The following PTPRN2 variants were observed in gnomAD, a reference collection of about 807,000 sequenced individuals.
The protein encoded by PTPRN2 is receptor-type tyrosine-protein phosphatase N2.
PTPRN2 carries 74 observed loss-of-function variants against 118.8 expected under a neutral mutation model. The observed-to-expected ratio is 0.62, with a 90% CI of 0.52 to 0.76. The LOEUF (loss-of-function observed/expected upper bound fraction) is 0.76. Among genes scored for constraint, PTPRN2 ranks in the 30% least tolerant of loss-of-function variants. PTPRN2 has a pLI of 0.00. For synonymous variants in PTPRN2, 641 were observed against 608.0 expected (o/e 1.05, Z -0.80); for missense variants, 1,481 against 1,394.4 (o/e 1.06, Z -0.99).
chr7:158,256,247 A>C (rs1440484234), intron 3 of PTPRN2, among the ~76,000 whole-genome samples: 5 of 152,038 alleles, frequency 3.3e-5, no homozygotes, highest in African/African-American at 1.2e-4. Context: ...TCCCCCACAC[A>C]ATGGACTGAC....
chr7:158,523,400 A>ATCTGCCCTGGAGCGGAGTCG (rs1824380669), intron 1 of PTPRN2, among the ~76,000 whole-genome samples: 1 of 57,388 alleles, frequency 1.7e-5, no homozygotes, highest in Non-Finnish European at 4.0e-5. Flanking sequence ...GAGCGGAGTC[A>ATCTGCCCTGGAGCGGAGTCG]TCTGCCCTGG....
intron 12 of PTPRN2, among the ~76,000 whole-genome samples, chr7:157,896,748 G>A (rs1175226327): frequency 2.0e-5 from 3 of 152,194 alleles, no homozygotes; most frequent in East Asian, 3.9e-4. Context: ...GCAACCTGTG[G>A]CAAGGCACAT....
chr7:158,120,839 A>T (rs1046140331), intron 9 of PTPRN2, among the ~76,000 whole-genome samples: 1 of 152,176 alleles, frequency 6.6e-6, no homozygotes, highest in South Asian at 2.1e-4. Flanking sequence ...GGGAGGCAAC[A>T]GGGAAGGGAG....
chr7:158,374,762 G>A (rs966201325), intron 2 of PTPRN2, among the ~76,000 whole-genome samples: 2 of 152,168 alleles, frequency 1.3e-5, no homozygotes, highest in Non-Finnish European at 2.9e-5. Context: ...CAAGCATATC[G>A]TGCAAAGGAA....
At chr7:158,431,621 C>A (rs1444010450) in intron 2 of PTPRN2, among the ~76,000 whole-genome samples, 2 of 148,386 alleles carry the variant, frequency 1.3e-5, no homozygotes, top group Non-Finnish European at 3.0e-5. Flanking sequence ...CTGGCTCGCA[C>A]TGGGCACACA....
At chr7:157,878,149 T>C (rs1257995859) in intron 12 of PTPRN2, among the ~76,000 whole-genome samples, 4 of 152,220 alleles carry the variant, frequency 2.6e-5, no homozygotes, top group African/African-American at 2.4e-5. Flanking sequence ...AAAGATTCAG[T>C]TCCCCAAAAG....
intron 3 of PTPRN2, among the ~76,000 whole-genome samples, chr7:158,293,512 G>T (rs1348511997): frequency 6.6e-6 from 1 of 151,912 alleles, no homozygotes; most frequent in Non-Finnish European, 1.5e-5. Flanking sequence ...GGAGGCAGAG[G>T]TTGCAGTGAG....
chr7:158,229,200 C>T (rs1829009952), intron 3 of PTPRN2, among the ~76,000 whole-genome samples: 1 of 152,024 alleles, frequency 6.6e-6, no homozygotes, highest in African/African-American at 2.4e-5. Context: ...GAAAAGGAGA[C>T]AGGGACCTAG....
intron 3 of PTPRN2, among the ~76,000 whole-genome samples, chr7:158,301,014 A>T (rs751697581): frequency 3.9e-5 from 6 of 152,188 alleles, no homozygotes; most frequent in Non-Finnish European, 8.8e-5. Flanking sequence ...TGCATTTGAA[A>T]CCAGCAACGC....
At chr7:158,080,861 G>A (rs769762089) in intron 11 of PTPRN2, among the ~76,000 whole-genome samples, 1 of 152,168 alleles carries the variant, frequency 6.6e-6, no homozygotes, top group Non-Finnish European at 1.5e-5. Context: ...CACCGCAGTC[G>A]GGAGCAGGGC....
At chr7:158,552,736 C>T (rs952771212) in intron 1 of PTPRN2, among the ~76,000 whole-genome samples, 8 of 152,188 alleles carry the variant, frequency 5.3e-5, no homozygotes, top group Non-Finnish European at 1.2e-4. Context: ...TGTGAGACAC[C>T]GTGCATGGCC....
chr7:157,684,585 T>G (rs922261355), intron 12 of PTPRN2, among the ~76,000 whole-genome samples: 2 of 79,296 alleles, frequency 2.5e-5, no homozygotes, highest in Admixed American at 1.2e-4. Flanking sequence ...CCCGGTCTCC[T>G]CCCCTCCCCT....
At chr7:157,981,723 C>T (rs1803163291) in intron 11 of PTPRN2, among the ~76,000 whole-genome samples, 1 of 152,206 alleles carries the variant, frequency 6.6e-6, no homozygotes, top group Non-Finnish European at 1.5e-5. Flanking sequence ...TCTAAAATGA[C>T]CCTTGGGCGT....
chr7:158,006,610 C>T lies in PTPRN2; in HGVS notation c.1723+74688G>A, dbSNP rs866603006. On this transcript the variant is annotated intron_variant, in intron 11 of 22. Coordinates refer to ENST00000389418, the MANE Select transcript of PTPRN2 (RefSeq NM_002847.5). ...AACCTCATTTCTTTGCAGCTGTGGA[C>T]GGCAATGGCTTCCTTAAGGGCCATC... Among the ~76,000 whole-genome samples, 7 of 152,304 alleles carry T rather than the reference C, an allele frequency of 4.6e-5. 1 individual carries two copies. Among genetic ancestry groups the T allele is most frequent in the South Asian group, 4.1e-4 (2 of 4,830 alleles).
chr7:158,376,237 T>A (rs113421869), intron 2 of PTPRN2, among the ~76,000 whole-genome samples: 10 of 152,034 alleles, frequency 6.6e-5, no homozygotes, highest in Non-Finnish European at 1.3e-4. Context: ...GCCACACCCG[T>A]CACACGTCCT....
At chr7:157,961,250 G>C (rs1284123768) in intron 11 of PTPRN2, among the ~76,000 whole-genome samples, 1 of 152,026 alleles carries the variant, frequency 6.6e-6, no homozygotes, top group Non-Finnish European at 1.5e-5. Context: ...ATTATTATAA[G>C]GTCAGGCGTG....
chr7:158,094,220 G>A (rs188470161), intron 10 of PTPRN2, among the ~76,000 whole-genome samples: 1 of 152,318 alleles, frequency 6.6e-6, no homozygotes, highest in Non-Finnish European at 1.5e-5. Context: ...TGTTCCCCCA[G>A]CACAGGGGTG....
chr7:158,326,708 AC>A lies in PTPRN2; in HGVS notation c.164-9777del, dbSNP rs566227924. ...GTCTCACACATGCACACATCCTCAC[AC>A]ATGCTCTCACATGCATACATTCTCA... On this transcript the variant is annotated intron_variant, in intron 2 of 22. Coordinates refer to ENST00000389418, the MANE Select transcript of PTPRN2 (RefSeq NM_002847.5). 7.5e-4 allele frequency among the ~76,000 whole-genome samples: 114 copies of A among 151,098 alleles called. 1 individual carries two copies. Among genetic ancestry groups the A allele is most frequent in the African/African-American group, 2.6e-3 (107 of 40,936 alleles).
intron 1 of PTPRN2, among the ~76,000 whole-genome samples, chr7:158,491,238 C>T (rs553870370): frequency 3.4e-4 from 52 of 152,350 alleles, no homozygotes; most frequent in African/African-American, 1.3e-3. Flanking sequence ...CGTCTCACAA[C>T]AGCTTCACGA....
Sources: allele counts gnomAD v4.1 joint callset (sites outside exome capture counted in the v4.1 genomes callset), GRCh38; gene constraint gnomAD v4.1.1; transcripts MANE v1.5; gene names NCBI Gene and HGNC (gene_info 2026-07-23, HGNC 2026-07-21).